ZNF394: variants seen among roughly 807,000 people sequenced by gnomAD.
ZNF394 encodes zinc finger protein 394.
A neutral mutation model predicts 21.8 loss-of-function variants in ZNF394; 19 were observed. The ratio of observed to expected loss-of-function variants is 0.87; its 90% CI spans 0.61 to 1.28. The LOEUF (loss-of-function observed/expected upper bound fraction) is 1.28, where lower values mean the gene tolerates loss of function less well. Among genes scored for constraint, ZNF394 ranks in the 50% most tolerant of loss-of-function variants. ZNF394 has a pLI of 0.00. For missense variants in ZNF394, 683 were observed against 708.6 expected, an observed-to-expected ratio of 0.96 and a Z score of 0.41; for synonymous variants, 294 against 273.3, an observed-to-expected ratio of 1.08 and a Z score of -0.75.
Position 99,493,260 on chromosome 7 carries a change from C to T in ZNF394, c.*269G>A. Reference sequence around the variant, plus strand: ...ATAGAAACATATCAAAATGACAGCACTTTATTTCTTTTTTGAGATGGAGTC... The same window carrying T: ...ATAGAAACATATCAAAATGACAGCATTTTATTTCTTTTTTGAGATGGAGTC... On this transcript the variant is annotated 3_prime_UTR_variant, in exon 3 of 3. Coordinates refer to ENST00000337673, the MANE Select transcript of ZNF394 (RefSeq NM_032164.4). 8.7e-7 allele frequency: 1 copy of T among 1,148,556 alleles called. No homozygotes were observed. Among genetic ancestry groups the T allele is most frequent in the Non-Finnish European group, 1.1e-6 (1 of 932,838 alleles). 71.1% of individuals were successfully genotyped at this position (1,148,556 alleles called of 1,614,324 possible). A position where few individuals can be genotyped will look rare whatever the true frequency, so the allele number is the denominator to read the frequency against.
Position 99,499,974 on chromosome 7 carries a change from T to C in ZNF394, c.120A>G (p.Lys40=). 1.9e-6 allele frequency: 3 copies of C among 1,613,472 alleles called. No homozygotes were observed. Among genetic ancestry groups the C allele is most frequent in the Non-Finnish European group, 2.5e-6 (3 of 1,179,998 alleles). The change falls in exon 1 of 3, where the codon AAA becomes AAG. Residue 40 remains lysine, a synonymous_variant. Transcript: ENST00000337673. The stretch of plus-strand genomic sequence containing the variant: ...AACTTCCGGGTGAGTCTTCCTCCAC[T>C]TTCACGGGCAAAAGTCCGTCGCGTT... ...PSQRDGLLPV[K]VEEDSPGSWE... is the part of the protein sequence containing the mutation.
At chr7:99,498,360 G>C in intron 2 of ZNF394, 1 of 205,812 alleles carries the variant, frequency 4.9e-6, no homozygotes, top group Non-Finnish European at 1.0e-5. Context: ...TCTGGAGAAG[G>C]ATAGAGGGGA....
Position 99,499,938 on chromosome 7 carries a change from G to C in ZNF394, c.156C>G (p.Asn52Lys). ...CGGGGTCCGGCGAAGCCGCGGGATA[G>C]TTGGGCTCCCAACTTCCGGGTGAGT... ...EEDSPGSWEP[N>K]YPAASPDPET... is the part of the protein sequence containing the mutation. The change falls in exon 1 of 3, where the codon AAC becomes AAG. Residue 52 changes from asparagine (N) to lysine (K), a missense_variant. Asn to Lys is a moderately conservative substitution (Grantham distance 94). This residue lies in a region of ZNF394 where 402 missense variants were observed against 373.8 expected (regional missense o/e 1.08). Transcript: ENST00000337673. The C allele has an allele frequency of 6.2e-7, 1 of 1,614,062 alleles. No individual in the cohort carries two copies. Among genetic ancestry groups the C allele is most frequent in the Non-Finnish European group, 8.5e-7 (1 of 1,180,042 alleles).
Position 99,493,969 on chromosome 7 carries a change from A to G in ZNF394, c.1246T>C (p.Cys416Arg). The change falls in exon 3 of 3, where the codon TGT (cysteine) becomes CGT (arginine). Residue 416 changes from cysteine to arginine, a missense_variant. Cys to Arg is a radical substitution (Grantham distance 180, BLOSUM62 -3). Around this residue, in one of 3 missense-constraint regions of ZNF394, gnomAD observed 274 missense variants for 314.1 expected, o/e 0.87. Transcript: ENST00000337673. ...RTHTGEKPYT[C>R]LKCGERFRQN... ...CTGAAGCGCTCCCCACATTTCAGAC[A>G]GGTGTACGGCTTCTCGCCTGTGTGT... The G allele has an allele frequency of 6.2e-7, 1 of 1,614,238 alleles. No individual in the cohort carries two copies. Among genetic ancestry groups the G allele is most frequent in the Non-Finnish European group, 8.5e-7 (1 of 1,180,054 alleles).
exon 2 of ZNF394, chr7:99,486,687 CCTT>C: frequency 6.2e-7 from 1 of 1,614,190 alleles, no homozygotes. Flanking sequence ...AAAACCTTAA[CCTT>C]ATTCAAGATC....
At position 99,493,701 on chromosome 7, in the gene ZNF394, C is replaced by T. The variant is rs769653041; in HGVS notation, c.1514G>A (p.Arg505His). Residue 505 changes from arginine to histidine, a missense_variant, in exon 3 of 3, where the codon CGC (arginine) becomes CAC (histidine). By Grantham distance (29) the Arg-to-His change is conservative. Transcript: ENST00000337673. ...KPYGCSVCGKRFNQSATLIKH... is the reference protein window; with the variant it reads ...KPYGCSVCGKHFNQSATLIKH... Reference sequence around the variant, plus strand: ...AATGAGGGTTGCACTCTGATTGAAGCGTTTCCCACAGACGGAACATCCATA... The same window carrying T: ...AATGAGGGTTGCACTCTGATTGAAGTGTTTCCCACAGACGGAACATCCATA... The T allele has an allele frequency of 1.4e-5, 23 of 1,614,072 alleles. 1 individual carries two copies. Among genetic ancestry groups the T allele is most frequent in the South Asian group, 1.2e-4 (11 of 91,094 alleles).
In ZNF394 at chr7:99,499,823, G is replaced by T; in HGVS notation, c.271C>A (p.Arg91=). 1 of 1,614,194 alleles carries T rather than the reference G, an allele frequency of 6.2e-7. No individual in the cohort carries two copies. The change falls in exon 1 of 3, where the codon CGG becomes AGG. Residue 91 remains arginine (R), a synonymous_variant. Transcript: ENST00000337673. ...GAGAGCAGCTCGGGTCTCAGCCACCGACGACAGAGTTCTCGGAGCCGGCTC... is the reference window on the plus strand; with the variant it reads ...GAGAGCAGCTCGGGTCTCAGCCACCTACGACAGAGTTCTCGGAGCCGGCTC... ...ALSRLRELCR[R]WLRPELLSKE... is the part of the protein sequence containing the mutation.
At chr7:99,497,122 G>GTGTGTGTGTGTGTATATATATATA (rs1322382800) in intron 2 of ZNF394, among the ~76,000 whole-genome samples, 1 of 79,452 alleles carries the variant, frequency 1.3e-5, no homozygotes, top group African/African-American at 7.4e-5. Context: ...GTGTGTGTGT[G>GTGTGTGTGTGTGTATATATATATA]TATATATATA....
At chr7:99,488,734 C>G (rs1186242235), downstream of ZNF394, among the ~76,000 whole-genome samples, 1 of 150,856 alleles carries the variant, frequency 6.6e-6, no homozygotes, top group East Asian at 2.0e-4. Flanking sequence ...TCAGGACAAG[C>G]CTAGCCAAGA....
chr7:99,491,366 CA>C (rs1278256854), downstream of ZNF394, among the ~76,000 whole-genome samples: 1 of 152,150 alleles, frequency 6.6e-6, no homozygotes, highest in Non-Finnish European at 1.5e-5. Flanking sequence ...GTGCTAAGAG[CA>C]TCTTTTCTTA....
exon 2 of ZNF394, chr7:99,486,815 A>C: frequency 6.2e-7 from 1 of 1,614,234 alleles, no homozygotes; most frequent in Non-Finnish European, 8.5e-7. Context: ...AAGTCTTATG[A>C]ATGCAGTGAA....
At chr7:99,495,572 C>A (rs748053486) in intron 2 of ZNF394, among the ~76,000 whole-genome samples, 20 of 150,686 alleles carry the variant, frequency 1.3e-4, no homozygotes, top group Non-Finnish European at 2.7e-4. Context: ...TTATCCACCC[C>A]CCTCGGCCTT....
At chr7:99,493,074 T>C (rs1800196541), downstream of ZNF394, among the ~76,000 whole-genome samples, 1 of 152,160 alleles carries the variant, frequency 6.6e-6, no homozygotes, top group African/African-American at 2.4e-5. Flanking sequence ...GGCCCCCTAC[T>C]TCCTCATTCC....
chr7:99,497,503 C>G (rs909284239), intron 2 of ZNF394, among the ~76,000 whole-genome samples: 3 of 151,236 alleles, frequency 2.0e-5, no homozygotes, highest in Non-Finnish European at 2.9e-5. Context: ...CTTATATGTA[C>G]ATCCCTTTAA....
Position 99,493,394 on chromosome 7 carries a change from T to C in ZNF394, c.*135A>G. ...ACCTCAGCCTCCCGAATAGCTGGGC[T>C]TACAGGCATGCACCACCATGCCCGG... On this transcript the variant is annotated 3_prime_UTR_variant, in exon 3 of 3. Transcript: ENST00000337673. The C allele has an allele frequency of 9.8e-7, 1 of 1,015,406 alleles. No individual in the cohort carries two copies. The highest frequency in any genetic ancestry group is 1.4e-6 in the Non-Finnish European group (1 of 720,316). The allele number at this position is 1,015,406 out of a possible 1,614,324, so 62.9% of individuals were successfully genotyped here. A position where few individuals can be genotyped will look rare whatever the true frequency, so the allele number is the denominator to read the frequency against.
At chr7:99,499,509 G>A (rs1800448379) in intron 1 of ZNF394, 129 bp downstream of exon 1, 3 of 828,464 alleles carry the variant, frequency 3.6e-6, no homozygotes, top group African/African-American at 3.4e-5. Context: ...GTGGCCTACA[G>A]AAAGGAAGTC....
chr7:99,492,472 T>G (rs1353526485), downstream of ZNF394, among the ~76,000 whole-genome samples: 1 of 151,538 alleles, frequency 6.6e-6, no homozygotes, highest in Non-Finnish European at 1.5e-5. Flanking sequence ...AAACCCCATC[T>G]CTACTAAAAT....
At chr7:99,491,771 CAAAAAAAAAAAA>C (rs768073826), downstream of ZNF394, among the ~76,000 whole-genome samples, 50 of 34,976 alleles carry the variant, frequency 1.4e-3, 1 homozygote, top group African/African-American at 5.3e-3. Flanking sequence ...GAATCTGTCT[CAAAAAAAAAAAA>C]AAAAAAAAAA....
At chr7:99,491,462 A>G (rs1484595533), downstream of ZNF394, among the ~76,000 whole-genome samples, 1 of 152,120 alleles carries the variant, frequency 6.6e-6, no homozygotes. Flanking sequence ...CTTTGTTCTA[A>G]TAAGGCAACT....
Sources: gnomAD v4.1 joint callset for allele counts (sites outside exome capture counted in the v4.1 genomes callset) on GRCh38, gnomAD v4.1.1 for gene constraint, gnomAD v4.1.1 regional missense constraint, MANE v1.5 for transcripts, NCBI Gene and HGNC (gene_info 2026-07-23, HGNC 2026-07-21) for gene names.